The following PTPRK variants were observed in gnomAD, a reference collection of about 807,000 sequenced individuals.
PTPRK encodes protein tyrosine phosphatase receptor type K, also known as receptor-type tyrosine-protein phosphatase kappa.
In PTPRK, 75 loss-of-function variants were observed where a neutral mutation model predicts 178.0. The observed-to-expected ratio is 0.42, with a 90% confidence interval of 0.35 to 0.51. The LOEUF (loss-of-function observed/expected upper bound fraction) is 0.51, where lower values mean the gene tolerates loss of function less well. PTPRK is among the 20% of genes least tolerant of loss of function. The probability of loss-of-function intolerance (pLI) is 0.02; values close to 1 mark genes in which losing one functional copy is unlikely to be tolerated. For missense variants in PTPRK, 1,441 were observed against 1,797.8 expected (o/e 0.80, Z 3.59); for synonymous variants, 637 against 620.6 (o/e 1.03, Z -0.39).
At chr6:128,225,689 T>C (rs1481223778) in intron 5 of PTPRK, among the ~76,000 whole-genome samples, 1 of 152,170 alleles carries the variant, frequency 6.6e-6, no homozygotes, top group East Asian at 1.9e-4. Flanking sequence ...TAAAAAATAC[T>C]ATGTTATTAT....
intron 1 of PTPRK, among the ~76,000 whole-genome samples, chr6:128,503,069 A>T (rs1855793971): frequency 6.6e-6 from 1 of 152,178 alleles, no homozygotes; most frequent in South Asian, 2.1e-4. Flanking sequence ...TCTACTAAAA[A>T]TACAAAAATT....
At chr6:128,401,253 T>C (rs1840976272) in intron 1 of PTPRK, among the ~76,000 whole-genome samples, 1 of 152,158 alleles carries the variant, frequency 6.6e-6, no homozygotes, top group Non-Finnish European at 1.5e-5. Context: ...ATCTTTTTAC[T>C]CCGAAACTGC....
intron 3 of PTPRK, among the ~76,000 whole-genome samples, chr6:128,292,338 A>G (rs1022109339): frequency 2.0e-5 from 3 of 152,066 alleles, no homozygotes; most frequent in Non-Finnish European, 4.4e-5. Flanking sequence ...TTTATTTAGA[A>G]AAGTCCAAAT....
chr6:128,453,834 C>A (rs181237904), intron 1 of PTPRK, among the ~76,000 whole-genome samples: 1 of 152,104 alleles, frequency 6.6e-6, no homozygotes, highest in Non-Finnish European at 1.5e-5. Flanking sequence ...ATGCAGGGCA[C>A]CAACTTAGTA....
chr6:128,190,387 T>C (rs1803556923), intron 6 of PTPRK, among the ~76,000 whole-genome samples: 1 of 152,140 alleles, frequency 6.6e-6, no homozygotes, highest in South Asian at 2.1e-4. Flanking sequence ...TAATCTAAAT[T>C]ACTATTAAGT....
chr6:128,380,547 C>CAT (rs1470914905), intron 2 of PTPRK, among the ~76,000 whole-genome samples: 2 of 147,560 alleles, frequency 1.4e-5, no homozygotes, highest in African/African-American at 2.5e-5. Flanking sequence ...CATACACACA[C>CAT]ACACACGTGT....
chr6:128,001,126 A>C, intron 15 of PTPRK: 1 of 1,237,906 alleles, frequency 8.1e-7, no homozygotes, highest in East Asian at 2.6e-5. Flanking sequence ...CTTATTATAC[A>C]TTTAAGAATA....
intron 24 of PTPRK, among the ~76,000 whole-genome samples, chr6:127,981,584 C>T (rs778946672): frequency 7.2e-5 from 11 of 152,114 alleles, no homozygotes; most frequent in Non-Finnish European, 1.5e-4. Context: ...TGCAATCGGG[C>T]AGTCCATTAT....
Position 128,100,693 on chromosome 6 carries a change from TATAA to T in PTPRK, c.1163-10705_1163-10702del, listed in dbSNP as rs1258832252. Among the ~76,000 whole-genome samples, 12 of 151,978 alleles carry T rather than the reference TATAA, an allele frequency of 7.9e-5. No individual in the cohort carries two copies. In the South Asian group the frequency reaches 2.5e-3, roughly 31 times the overall value. ...CTCCTATATATGAAGACACATAGAA[TATAA>T]ATAAATAAAAGGAAATTCCTCTTGA... On this transcript the variant is annotated intron_variant, in intron 7 of 29. Transcript: ENST00000368226.
At chr6:128,500,011 T>C (rs1258282800) in intron 1 of PTPRK, among the ~76,000 whole-genome samples, 1 of 152,200 alleles carries the variant, frequency 6.6e-6, no homozygotes, top group Non-Finnish European at 1.5e-5. Flanking sequence ...ATTTTTAAAG[T>C]TATGTCCCTA....
chr6:128,308,914 A>G (rs1826834251), intron 3 of PTPRK, among the ~76,000 whole-genome samples: 1 of 152,148 alleles, frequency 6.6e-6, no homozygotes, highest in Admixed American at 6.5e-5. Flanking sequence ...CGTGGTGTAC[A>G]CCGGAGTAGG....
chr6:128,405,331 T>C (rs970172910), intron 1 of PTPRK, among the ~76,000 whole-genome samples: 5 of 152,206 alleles, frequency 3.3e-5, no homozygotes, highest in African/African-American at 1.2e-4. Context: ...GCAATTTTGT[T>C]CGGACTATTT....
chr6:128,142,900 C>G (rs934204706), intron 7 of PTPRK, among the ~76,000 whole-genome samples: 2 of 151,978 alleles, frequency 1.3e-5, no homozygotes, highest in African/African-American at 4.8e-5. Flanking sequence ...CAAGTAGAGA[C>G]AATTTGGTAC....
chr6:128,164,948 G>A (rs2114619543), intron 7 of PTPRK, among the ~76,000 whole-genome samples: 1 of 151,222 alleles, frequency 6.6e-6, no homozygotes, highest in Middle Eastern at 3.4e-3. Flanking sequence ...TATCACAATG[G>A]AAGTACAAAG....
chr6:127,997,744 A>C (rs527467043), intron 16 of PTPRK, among the ~76,000 whole-genome samples: 1 of 152,186 alleles, frequency 6.6e-6, no homozygotes, highest in South Asian at 2.1e-4. Context: ...AATTCCTTGT[A>C]CTTATTTTGT....
At chr6:128,226,793 TATA>T (rs1811405232) in intron 5 of PTPRK, among the ~76,000 whole-genome samples, 2 of 140,224 alleles carry the variant, frequency 1.4e-5, no homozygotes, top group Non-Finnish European at 3.0e-5. Context: ...TATATATATA[TATA>T]TATTTCAATA....
intron 7 of PTPRK, among the ~76,000 whole-genome samples, chr6:128,127,255 G>A (rs1057474174): frequency 1.3e-5 from 2 of 152,032 alleles, no homozygotes; most frequent in Admixed American, 6.6e-5. Context: ...TCTTCAGTAC[G>A]ACTATGTTTG....
At chr6:128,457,439 G>T (rs979595185) in intron 1 of PTPRK, among the ~76,000 whole-genome samples, 1 of 152,110 alleles carries the variant, frequency 6.6e-6, no homozygotes, top group Non-Finnish European at 1.5e-5. Flanking sequence ...AAGTTGAAGA[G>T]ACAGACAGAC....
intron 17 of PTPRK, among the ~76,000 whole-genome samples, chr6:127,996,566 G>A (rs1487057697): frequency 1.3e-5 from 2 of 152,106 alleles, no homozygotes; most frequent in African/African-American, 4.8e-5. Context: ...CAACCTCCTG[G>A]GTTCAAGCAA....
Sources: allele counts gnomAD v4.1 joint callset (sites outside exome capture counted in the v4.1 genomes callset), GRCh38; gene constraint gnomAD v4.1.1; transcripts MANE v1.5; gene names NCBI Gene and HGNC (gene_info 2026-07-23, HGNC 2026-07-21).